Variants in LDB3 observed in about 807,000 individuals in gnomAD.
LDB3 encodes the protein LIM domain-binding protein 3.
Under a neutral mutation model 69.0 loss-of-function variants are expected in LDB3, and 49 were observed. The ratio of observed to expected loss-of-function variants is 0.71; its 90% CI spans 0.56 to 0.90. The LOEUF is 0.90. LDB3 is among the 40% of genes least tolerant of loss of function. LDB3 has a pLI of 0.00. For synonymous variants in LDB3, 387 were observed against 396.2 expected, an observed-to-expected ratio of 0.98 and a Z score of 0.28; for missense variants, 928 against 974.1, an observed-to-expected ratio of 0.95 and a Z score of 0.63.
chr10:86,735,465 C>G lies in LDB3; in HGVS notation c.*2489C>G, dbSNP rs1847601967. 1 of 152,074 alleles carries G rather than the reference C, an allele frequency of 6.6e-6. No individual in the cohort carries two copies. Among genetic ancestry groups the G allele is most frequent in the Admixed American group, 6.6e-5 (1 of 15,248 alleles). 9.4% of individuals were successfully genotyped at this position (152,074 alleles called of 1,614,324 possible). A position where few individuals can be genotyped will look rare whatever the true frequency, so the allele number is the denominator to read the frequency against. ...CACACTTTGGAGCTACATTTCTTGT[C>G]TCCTCATTGTTGACATTAATTAAAC... On this transcript the variant is annotated 3_prime_UTR_variant, in exon 14 of 14. Transcript: ENST00000361373.
At position 86,699,234 on chromosome 10, in the gene LDB3, TCTGTTTCTCTC is replaced by T. The variant is rs766494413; in HGVS notation, c.896+6664_896+6674del. 7 of 1,538,324 alleles carry T rather than the reference TCTGTTTCTCTC, an allele frequency of 4.6e-6. No homozygotes were observed. The highest frequency in any genetic ancestry group is 3.8e-5 in the Admixed American group (2 of 52,758). Reference sequence around the variant, plus strand: ...TCTTCTCTCTCTTTCTGTCTCTGTCTCTGTTTCTCTCTCTCTCTCTCTCTCTCTCTCTCTGT... The same window carrying T: ...TCTTCTCTCTCTTTCTGTCTCTGTCTTCTCTCTCTCTCTCTCTCTCTCTGT... On this transcript the variant is annotated intron_variant, in intron 7 of 13. Coordinates refer to ENST00000361373, the MANE Select transcript of LDB3 (RefSeq NM_007078.3). This position sits in a 1 kb window ranked among gnomAD's most constrained non-coding sequence, Gnocchi z 4.9.
intron 2 of LDB3, among the ~76,000 whole-genome samples, chr10:86,675,830 A>G (rs1484331128): frequency 6.6e-6 from 1 of 152,208 alleles, no homozygotes; most frequent in Admixed American, 6.5e-5. Context: ...CTGCCTAGAA[A>G]TCTGCAAAAA....
chr10:86,681,362 C>G, intron 4 of LDB3, 74 bp from the exon 5 acceptor site: 1 of 1,589,028 alleles, frequency 6.3e-7, no homozygotes, highest in Admixed American at 1.7e-5. Flanking sequence ...TTCAGGTCCA[C>G]GCAGGAGCGC....
At position 86,709,980 on chromosome 10, in the gene LDB3, C is replaced by G; in HGVS notation, c.1161C>G (p.Gly387=). Residue 387 remains glycine (G), a synonymous_variant, in exon 9 of 14, where the codon GGC becomes GGG. Transcript: ENST00000361373. ...APATHTSYSE[G]PAAPAPKPRV... ...CCACCCACACCAGCTACAGTGAGGG[C>G]CCCGCCGCCCCTGCACCCAAGCCCC... 6.2e-7 allele frequency: 1 copy of G among 1,613,118 alleles called. No homozygotes were observed. Among genetic ancestry groups the G allele is most frequent in the East Asian group, 2.2e-5 (1 of 44,878 alleles).
rs528621942 is a variant in LDB3 at position 86,684,848 on chromosome 10, T to C, written c.689+3045T>C. On this transcript the variant is annotated intron_variant, in intron 5 of 13. Transcript: ENST00000361373. ...GGCTGCTGGCCACAGGGTCTGCCAC[T>C]GCAGGGAATTTGCATTTAAAGAAAC... is the stretch of plus-strand genomic sequence containing the variant. Among the ~76,000 whole-genome samples, 512 of 152,276 alleles carry C rather than the reference T, an allele frequency of 3.4e-3. 4 individuals carry two copies. Among genetic ancestry groups the C allele is most frequent in the Non-Finnish European group, 4.7e-3 (320 of 67,998 alleles).
At chr10:86,719,975 A>C (rs1446861660) in intron 12 of LDB3, among the ~76,000 whole-genome samples, 3 of 152,234 alleles carry the variant, frequency 2.0e-5, no homozygotes, top group Non-Finnish European at 4.4e-5. Context: ...AAAAGCAGGC[A>C]TGCTGATTAT....
At chr10:86,726,492 T>A in intron 13 of LDB3, 1 of 534,060 alleles carries the variant, frequency 1.9e-6, no homozygotes, top group South Asian at 2.0e-5. Flanking sequence ...GACAACAGAG[T>A]GTCCCAGGGT....
upstream of LDB3, chr10:86,668,426 G>A (rs1456487203): frequency 3.7e-6 from 2 of 547,652 alleles, no homozygotes; most frequent in Non-Finnish European, 6.7e-6. Flanking sequence ...GAGGCGGCAG[G>A]CTGGCAGGCA....
chr10:86,716,288 C>G, intron 9 of LDB3, 39 bp from the exon 10 acceptor site: 1 of 1,608,252 alleles, frequency 6.2e-7, no homozygotes, highest in South Asian at 1.1e-5. Flanking sequence ...GAATGAATTC[C>G]TGACACACCT....
intron 12 of LDB3, among the ~76,000 whole-genome samples, chr10:86,725,352 GATA>G (rs1400375958): frequency 6.6e-6 from 1 of 152,114 alleles, no homozygotes; most frequent in Admixed American, 6.5e-5. Flanking sequence ...AAAACAAAAA[GATA>G]ATAATAGTTC....
upstream of LDB3, among the ~76,000 whole-genome samples, chr10:86,667,901 T>C (rs1161654714): frequency 2.0e-5 from 3 of 152,232 alleles, no homozygotes; most frequent in Non-Finnish European, 4.4e-5. Flanking sequence ...CAGGCTCCAG[T>C]GTGACCTGGG....
At chr10:86,732,343 C>A (rs987716089) in intron 13 of LDB3, 1 of 361,582 alleles carries the variant, frequency 2.8e-6, no homozygotes, top group African/African-American at 2.1e-5. Context: ...TTTCTCTATT[C>A]CATTAAATTT....
intron 5 of LDB3, among the ~76,000 whole-genome samples, chr10:86,688,014 T>C (rs1307362077): frequency 3.3e-5 from 5 of 152,000 alleles, no homozygotes; most frequent in Admixed American, 3.3e-4. Context: ...TCTTCCTCCT[T>C]GTTGCTTTTT....
intron 9 of LDB3, among the ~76,000 whole-genome samples, chr10:86,710,963 C>A (rs1006874563): frequency 6.6e-6 from 1 of 152,220 alleles, no homozygotes; most frequent in African/African-American, 2.4e-5. Flanking sequence ...GTCTGTCACA[C>A]GGGAGGTGCC....
At chr10:86,704,623 A>G (rs1846378287) in intron 7 of LDB3, among the ~76,000 whole-genome samples, 1 of 134,076 alleles carries the variant, frequency 7.5e-6, no homozygotes, top group Admixed American at 8.5e-5. Context: ...TCTGTCGCCC[A>G]GGCTGGAGTG....
intron 12 of LDB3, among the ~76,000 whole-genome samples, chr10:86,725,176 T>C (rs1847214450): frequency 6.6e-6 from 1 of 152,178 alleles, no homozygotes; most frequent in Non-Finnish European, 1.5e-5. Context: ...TCTAGAATAA[T>C]CTAGAGATGT....
intron 4 of LDB3, 46 bp downstream of exon 4, chr10:86,680,203 G>C: frequency 6.4e-7 from 1 of 1,568,154 alleles, no homozygotes; most frequent in South Asian, 1.1e-5. Flanking sequence ...CCTGGTTCCT[G>C]GAGTGCTGGC....
chr10:86,724,273 C>T (rs1847181210), intron 12 of LDB3, among the ~76,000 whole-genome samples: 2 of 149,696 alleles, frequency 1.3e-5, no homozygotes, highest in African/African-American at 5.0e-5. Flanking sequence ...GATTGTGCCA[C>T]TGCACTCCAC....
intron 9 of LDB3, among the ~76,000 whole-genome samples, chr10:86,712,702 C>T (rs1191017213): frequency 6.6e-6 from 1 of 152,180 alleles, no homozygotes; most frequent in East Asian, 1.9e-4. Flanking sequence ...CTATTAGCCA[C>T]ATTTTTAAAA....
Sources: allele counts gnomAD v4.1 joint callset (sites outside exome capture counted in the v4.1 genomes callset), GRCh38; gene constraint gnomAD v4.1.1; non-coding constraint Gnocchi (gnomAD v3.1); transcripts MANE v1.5; gene names NCBI Gene and HGNC (gene_info 2026-07-23, HGNC 2026-07-21).